RB1: variants seen among roughly 807,000 people sequenced by gnomAD.
RB1 encodes RB transcriptional corepressor 1, also known as retinoblastoma-associated protein.
RB1 carries 18 observed loss-of-function variants against 135.4 expected under a neutral mutation model. The ratio of observed to expected loss-of-function variants is 0.13; its 90% CI spans 0.09 to 0.20. The LOEUF is 0.20. Ranked by LOEUF, RB1 falls within the 10% of genes least tolerant of loss-of-function variation. The probability of loss-of-function intolerance (pLI) is 1.00; values close to 1 mark genes in which losing one functional copy is unlikely to be tolerated. For missense variants in RB1, 868 were observed against 1,110.0 expected (o/e 0.78, Z 3.10); for synonymous variants, 365 against 373.2 (o/e 0.98, Z 0.25).
At chr13:48,371,706 AT>A (rs1299809723) in intron 11 of RB1, among the ~76,000 whole-genome samples, 4 of 152,134 alleles carry the variant, frequency 2.6e-5, no homozygotes, top group Admixed American at 2.0e-4. Flanking sequence ...AGGGTGCATA[AT>A]GGCAAGAGTG....
At chr13:48,379,234 ACTGGAC>A (rs1199561854) in intron 13 of RB1, among the ~76,000 whole-genome samples, 6 of 152,212 alleles carry the variant, frequency 3.9e-5, no homozygotes, top group African/African-American at 1.2e-4. Flanking sequence ...AAATCCAGGT[ACTGGAC>A]CTACCCTCTT....
chr13:48,336,518 G>A (rs991272407), intron 2 of RB1, among the ~76,000 whole-genome samples: 47 of 152,040 alleles, frequency 3.1e-4, no homozygotes, highest in Non-Finnish European at 5.6e-4. Flanking sequence ...ATTTCTGTGG[G>A]ATCTGTGGTG....
chr13:48,373,321 A>G, intron 11 of RB1, 84 bp from the exon 12 acceptor site: 1 of 834,686 alleles, frequency 1.2e-6, no homozygotes, highest in Non-Finnish European at 2.1e-6. Flanking sequence ...AGATACATTT[A>G]ACTTGGGAGA....
intron 17 of RB1, among the ~76,000 whole-genome samples, chr13:48,384,080 T>G (rs1457696494): frequency 1.3e-5 from 2 of 152,150 alleles, no homozygotes; most frequent in Non-Finnish European, 2.9e-5. Context: ...CTCAGTTATT[T>G]AGGGCTTCTA....
chr13:48,373,728 T>C (rs1360646947), intron 12 of RB1, among the ~76,000 whole-genome samples: 5 of 152,162 alleles, frequency 3.3e-5, no homozygotes, highest in Non-Finnish European at 5.9e-5. Flanking sequence ...CTCACCATTC[T>C]TCCTTGCAAC....
intron 24 of RB1, chr13:48,476,267 A>G (rs1301653319): frequency 1.1e-5 from 2 of 184,286 alleles, no homozygotes; most frequent in African/African-American, 2.4e-5. Context: ...TTCATTGAAC[A>G]CATCATCTCT....
At position 48,342,724 on chromosome 13, in the gene RB1, C is replaced by T. The variant is rs187110786; in HGVS notation, c.380+10C>T. The T allele has an allele frequency of 6.4e-7, 1 of 1,551,564 alleles. No homozygotes were observed. The highest frequency in any genetic ancestry group is 8.9e-7 in the Non-Finnish European group (1 of 1,123,698). ...AAAACATAGAAATCAGGTAAAGTTT[C>T]TTGTATAAATATAAGCCTCTGCCAT... On this transcript the variant is annotated intron_variant, in intron 3 of 26. Coordinates refer to ENST00000267163, the MANE Select transcript of RB1 (RefSeq NM_000321.3).
intron 17 of RB1, among the ~76,000 whole-genome samples, chr13:48,387,491 C>T (rs1431315817): frequency 1.3e-5 from 2 of 152,010 alleles, no homozygotes; most frequent in South Asian, 2.1e-4. Flanking sequence ...CCACAAGAGG[C>T]AATTCAGTAG....
chr13:48,318,079 A>C (rs1240227157), intron 2 of RB1: 3 of 534,978 alleles, frequency 5.6e-6, no homozygotes, highest in African/African-American at 1.9e-5. Context: ...TTCCCTTCAG[A>C]GGCGGAGGCA....
rs149368782 is a variant in RB1 at position 48,317,463 on chromosome 13, G to C, written c.264+10057G>C. The C allele has an allele frequency of 7.0e-3, 3,026 of 430,790 alleles. 24 individuals are homozygous for C. Among genetic ancestry groups the C allele is most frequent in the Middle Eastern group, 0.012 (17 of 1,476 alleles). The allele number at this position is 430,790 out of a possible 1,614,324, so 26.7% of individuals were successfully genotyped here. A position where few individuals can be genotyped will look rare whatever the true frequency, so the allele number is the denominator to read the frequency against. On this transcript the variant is annotated intron_variant, in intron 2 of 26. Coordinates refer to ENST00000267163, the MANE Select transcript of RB1 (RefSeq NM_000321.3). ...CTCCAGAGTCCCTTTCAGCTTCCTGGCTAGGGGTCAGGAAGCCCCGGCTCC... is the reference window on the plus strand; with the variant it reads ...CTCCAGAGTCCCTTTCAGCTTCCTGCCTAGGGGTCAGGAAGCCCCGGCTCC...
chr13:48,354,621 A>G (rs1373774481), intron 6 of RB1, among the ~76,000 whole-genome samples: 1 of 152,126 alleles, frequency 6.6e-6, no homozygotes, highest in African/African-American at 2.4e-5. Flanking sequence ...GACCCAGAAT[A>G]GCGAAAACTA....
intron 3 of RB1, among the ~76,000 whole-genome samples, chr13:48,344,218 T>C (rs1440043752): frequency 6.6e-6 from 1 of 152,242 alleles, no homozygotes; most frequent in Admixed American, 6.5e-5. Context: ...TTAAAGTTAT[T>C]ATTTAAACTG....
intron 2 of RB1, chr13:48,317,082 C>A: frequency 1.2e-6 from 1 of 861,414 alleles, no homozygotes; most frequent in Non-Finnish European, 1.6e-6. Context: ...TGGCCAGGGC[C>A]CGCCGTCCTT....
chr13:48,364,734 C>A (rs750927691), intron 8 of RB1, among the ~76,000 whole-genome samples, 160 bp from the exon 9 acceptor site: 38 of 151,992 alleles, frequency 2.5e-4, no homozygotes, highest in Non-Finnish European at 4.3e-4. Flanking sequence ...TATAGAGAGA[C>A]CCCTTCTCTA....
chr13:48,345,357 T>C (rs1952483411), intron 4 of RB1, among the ~76,000 whole-genome samples, 158 bp downstream of exon 4: 1 of 152,212 alleles, frequency 6.6e-6, no homozygotes, highest in Non-Finnish European at 1.5e-5. Flanking sequence ...AGCTTTCTTA[T>C]TTATCCAGTA....
intron 20 of RB1, among the ~76,000 whole-genome samples, chr13:48,460,895 A>G (rs1949400904): frequency 6.6e-6 from 1 of 152,134 alleles, no homozygotes; most frequent in Non-Finnish European, 1.5e-5. Context: ...CAGGAGGTGG[A>G]GGTTGCAAGT....
At chr13:48,373,273 G>A in intron 11 of RB1, 132 bp from the exon 12 acceptor site, 2 of 647,412 alleles carry the variant, frequency 3.1e-6, no homozygotes, top group South Asian at 1.9e-5. Context: ...AGTCTTATTT[G>A]AGGGAATGTA....
intron 9 of RB1, among the ~76,000 whole-genome samples, chr13:48,366,671 A>G (rs1448279900): frequency 7.2e-5 from 11 of 152,200 alleles, no homozygotes; most frequent in Non-Finnish European, 2.9e-5. Flanking sequence ...AAGTGTGTTA[A>G]TTGAACTGAT....
At chr13:48,383,878 G>GA (rs1230545948) in intron 17 of RB1, among the ~76,000 whole-genome samples, 1 of 152,068 alleles carries the variant, frequency 6.6e-6, no homozygotes. Flanking sequence ...TGTATCATCT[G>GA]AAAGTGACTA....
Sources: allele counts gnomAD v4.1 joint callset (sites outside exome capture counted in the v4.1 genomes callset), GRCh38; gene constraint gnomAD v4.1.1; transcripts MANE v1.5; gene names NCBI Gene and HGNC (gene_info 2026-07-23, HGNC 2026-07-21).